FAM174A: variants seen among roughly 807,000 people sequenced by gnomAD.
FAM174A encodes the protein membrane protein FAM174A.
In FAM174A, 14 loss-of-function variants were observed where a neutral mutation model predicts 14.3. The observed-to-expected ratio is 0.98, with a 90% confidence interval of 0.65 to 1.53. The LOEUF is 1.53. FAM174A is among the 40% of genes most tolerant of loss of function. FAM174A has a pLI of 0.00. For missense variants in FAM174A, 241 were observed against 249.6 expected, an observed-to-expected ratio of 0.97 and a Z score of 0.23; for synonymous variants, 108 against 111.4, an observed-to-expected ratio of 0.97 and a Z score of 0.19.
intron 2 of FAM174A, among the ~76,000 whole-genome samples, chr5:100,563,662 C>G (rs1451320216): frequency 1.3e-5 from 2 of 151,894 alleles, no homozygotes; most frequent in South Asian, 2.1e-4. Context: ...ATATACAGAA[C>G]TTTGCACCCA....
intron 2 of FAM174A, among the ~76,000 whole-genome samples, chr5:100,580,210 A>G (rs1281576631): frequency 6.6e-6 from 1 of 152,208 alleles, no homozygotes; most frequent in Admixed American, 6.5e-5. Context: ...CAGCTACTGT[A>G]AGATGCCATC....
chr5:100,580,832 A>G (rs757112630), intron 2 of FAM174A, among the ~76,000 whole-genome samples: 2 of 152,162 alleles, frequency 1.3e-5, no homozygotes, highest in Admixed American at 1.3e-4. Context: ...TATCCCTGCC[A>G]TTCTTGCCAA....
intron 2 of FAM174A, among the ~76,000 whole-genome samples, chr5:100,573,010 A>G (rs1281323960): frequency 1.1e-4 from 16 of 152,226 alleles, no homozygotes; most frequent in South Asian, 6.2e-4. Flanking sequence ...CAGTGATGAT[A>G]AGCATTTTTT....
At chr5:100,565,697 C>A (rs1746628946) in intron 2 of FAM174A, among the ~76,000 whole-genome samples, 1 of 151,794 alleles carries the variant, frequency 6.6e-6, no homozygotes, top group African/African-American at 2.4e-5. Flanking sequence ...ATGTTCACTG[C>A]AGCATTATTC....
In FAM174A at chr5:100,535,442, C is replaced by G. The variant is rs1439447456; in HGVS notation, c.-89C>G. On this transcript the variant is annotated 5_prime_UTR_variant, in exon 1 of 3. Transcript: ENST00000312637. ...TCTCCCTGGCGTTTGGTCACCTCTG[C>G]TTCATTCTCCACCGCGCCTATGGTC... 2.1e-6 allele frequency: 3 copies of G among 1,463,128 alleles called. No homozygotes were observed. The highest frequency in any genetic ancestry group is 2.8e-6 in the Non-Finnish European group (3 of 1,062,798). 90.6% of individuals were successfully genotyped at this position (1,463,128 alleles called of 1,614,324 possible). A position where few individuals can be genotyped will look rare whatever the true frequency, so the allele number is the denominator to read the frequency against.
At chr5:100,542,787 A>C (rs1319077181) in intron 1 of FAM174A, among the ~76,000 whole-genome samples, 1 of 152,054 alleles carries the variant, frequency 6.6e-6, no homozygotes, top group Non-Finnish European at 1.5e-5. Flanking sequence ...TGAGTCCAGG[A>C]GTTTGAGACC....
At chr5:100,564,775 GA>G (rs1372908417) in intron 2 of FAM174A, among the ~76,000 whole-genome samples, 7 of 151,698 alleles carry the variant, frequency 4.6e-5, no homozygotes, top group Non-Finnish European at 1.0e-4. Flanking sequence ...TGATAACCTA[GA>G]AAAATAGATA....
chr5:100,539,389 A>G (rs1304702413), intron 1 of FAM174A, among the ~76,000 whole-genome samples: 1 of 152,168 alleles, frequency 6.6e-6, no homozygotes, highest in Non-Finnish European at 1.5e-5. Flanking sequence ...TACATATTAT[A>G]TAGGAAATAA....
intron 2 of FAM174A, among the ~76,000 whole-genome samples, chr5:100,569,897 T>C (rs1003219580): frequency 6.6e-6 from 1 of 151,786 alleles, no homozygotes; most frequent in African/African-American, 2.4e-5. Flanking sequence ...GGAGTTGGGA[T>C]TCACAATTTT....
At chr5:100,561,507 A>G (rs1427695044) in intron 1 of FAM174A, among the ~76,000 whole-genome samples, 1 of 151,926 alleles carries the variant, frequency 6.6e-6, no homozygotes, top group East Asian at 1.9e-4. Flanking sequence ...AAATATTCAT[A>G]TTTAGTTCTT....
chr5:100,553,837 T>C (rs962732660), intron 1 of FAM174A, among the ~76,000 whole-genome samples: 4 of 152,162 alleles, frequency 2.6e-5, no homozygotes, highest in African/African-American at 9.7e-5. Flanking sequence ...GGCAAATTAG[T>C]TTGACCACTC....
intron 2 of FAM174A, among the ~76,000 whole-genome samples, chr5:100,572,813 T>C (rs1746818756): frequency 6.6e-6 from 1 of 152,174 alleles, no homozygotes; most frequent in South Asian, 2.1e-4. Context: ...TCTAGATCCC[T>C]GAGGAATCGC....
At chr5:100,585,072 C>G (rs1045634701) in intron 2 of FAM174A, among the ~76,000 whole-genome samples, 2 of 151,970 alleles carry the variant, frequency 1.3e-5, no homozygotes, top group African/African-American at 2.4e-5. Flanking sequence ...TACGAATTGC[C>G]CATGTGGAGA....
At position 100,586,264 on chromosome 5, in the gene FAM174A, T is replaced by A; in HGVS notation, c.*80T>A. 3 of 969,470 alleles carry A rather than the reference T, an allele frequency of 3.1e-6. No individual in the cohort carries two copies. Among genetic ancestry groups the A allele is most frequent in the Non-Finnish European group, 4.6e-6 (3 of 646,318 alleles). The allele number at this position is 969,470 out of a possible 1,614,324, so 60.1% of individuals were successfully genotyped here. On this transcript the variant is annotated 3_prime_UTR_variant, in exon 3 of 3. Coordinates refer to ENST00000312637, the MANE Select transcript of FAM174A (RefSeq NM_198507.3). ...CTATGTTTAAGGAATAAGAAGCCAC[T>A]ATATCAATGTTGGGGGGGTATTTAA...
At chr5:100,559,977 T>C (rs1263134513) in intron 1 of FAM174A, among the ~76,000 whole-genome samples, 1 of 152,144 alleles carries the variant, frequency 6.6e-6, no homozygotes, top group Non-Finnish European at 1.5e-5. Context: ...CCAGCTTTGT[T>C]CCGTTGCTGG....
At chr5:100,558,378 T>C (rs1317398476) in intron 1 of FAM174A, among the ~76,000 whole-genome samples, 1 of 152,178 alleles carries the variant, frequency 6.6e-6, no homozygotes, top group Non-Finnish European at 1.5e-5. Flanking sequence ...AGTTTTGGAA[T>C]AGGTGTGGTG....
chr5:100,564,563 TG>T (rs1746599247), intron 2 of FAM174A, among the ~76,000 whole-genome samples: 2 of 151,366 alleles, frequency 1.3e-5, no homozygotes, highest in Non-Finnish European at 1.5e-5. Flanking sequence ...TAAATAGAGT[TG>T]AAAAAGACAA....
intron 1 of FAM174A, among the ~76,000 whole-genome samples, chr5:100,556,066 A>T (rs1746372380): frequency 6.6e-6 from 1 of 152,120 alleles, no homozygotes; most frequent in South Asian, 2.1e-4. Flanking sequence ...TAGGGTTTTT[A>T]TGGTTTTAGG....
chr5:100,558,441 A>T (rs1438625412), intron 1 of FAM174A, among the ~76,000 whole-genome samples: 1 of 152,178 alleles, frequency 6.6e-6, no homozygotes, highest in Non-Finnish European at 1.5e-5. Flanking sequence ...AGTTCTGTAG[A>T]TGTCTATTAG....
Sources: allele counts gnomAD v4.1 joint callset (sites outside exome capture counted in the v4.1 genomes callset), GRCh38; gene constraint gnomAD v4.1.1; transcripts MANE v1.5; gene names NCBI Gene and HGNC (gene_info 2026-07-23, HGNC 2026-07-21).